The following GPR89B variants were observed in gnomAD, a reference collection of about 807,000 sequenced individuals.
The protein encoded by GPR89B is golgi pH regulator B, also known as G protein-coupled receptor 89B.
In GPR89B, 25 loss-of-function variants were observed where a neutral mutation model predicts 52.4. The ratio of observed to expected loss-of-function variants is 0.48; its 90% confidence interval spans 0.35 to 0.67. The LOEUF is 0.67. Among genes scored for constraint, GPR89B ranks in the 30% least tolerant of loss-of-function variants. GPR89B has a pLI of 0.01. For synonymous variants in GPR89B, 52 were observed against 151.2 expected, an observed-to-expected ratio of 0.34 and a Z score of 4.81; for missense variants, 146 against 450.2, an observed-to-expected ratio of 0.32 and a Z score of 6.11.
At chr1:147,984,988 C>T (rs1274749460) in intron 10 of GPR89B, among the ~76,000 whole-genome samples, 1 of 152,094 alleles carries the variant, frequency 6.6e-6, no homozygotes, top group Admixed American at 6.5e-5. Flanking sequence ...AGGAGTGTTC[C>T]ATAAATGTCA....
In GPR89B at chr1:147,962,900, A is replaced by G. The variant is rs1207917813; in HGVS notation, c.618-3654A>G. On this transcript the variant is annotated intron_variant, in intron 7 of 13. Coordinates refer to ENST00000314163, the MANE Select transcript of GPR89B (RefSeq NM_016334.5). ...AACAGAGCGAGACTCCGTCTCAAAA[A>G]AAAAAAAATTAAAACAGATAATAGA... is the stretch of plus-strand genomic sequence containing the variant. Among the ~76,000 whole-genome samples, 1,157 of 151,940 alleles carry G rather than the reference A, an allele frequency of 7.6e-3. 16 individuals carry two copies. Among genetic ancestry groups the G allele is most frequent in the African/African-American group, 0.026 (1,083 of 41,282 alleles).
chr1:147,930,138 A>G (rs184806380), intron 1 of GPR89B, among the ~76,000 whole-genome samples: 4 of 152,364 alleles, frequency 2.6e-5, no homozygotes, highest in African/African-American at 9.6e-5. Context: ...TGTATGCCTT[A>G]TAATCATAGA....
At chr1:148,019,813 T>TG in the GPR89B span, among the ~76,000 whole-genome samples, 16 of 152,076 alleles carry the variant, frequency 1.1e-4, no homozygotes, top group East Asian at 3.1e-3. Flanking sequence ...CCTCCTTGGG[T>TG]GGCCGACCAG....
intron 5 of GPR89B, among the ~76,000 whole-genome samples, chr1:147,950,160 G>T (rs1571254640): frequency 6.6e-6 from 1 of 150,614 alleles, no homozygotes; most frequent in Non-Finnish European, 1.5e-5. Flanking sequence ...GGGCGGAGGG[G>T]CTCCTCACTT....
Position 147,968,971 on chromosome 1 carries a change from G to A in GPR89B, c.816+8G>A. On this transcript the variant is annotated splice_region_variant and intron_variant, in intron 9 of 13. Transcript: ENST00000314163. Reference sequence around the variant, plus strand: ...GATCTATATGCTACCAAGGTACAGAGCAAGGAAACTGAAGTGTGGTTTTTA... The same window carrying A: ...GATCTATATGCTACCAAGGTACAGAACAAGGAAACTGAAGTGTGGTTTTTA... The A allele has an allele frequency of 6.3e-7, 1 of 1,589,484 alleles. No homozygotes were observed. Among genetic ancestry groups the A allele is most frequent in the Non-Finnish European group, 8.6e-7 (1 of 1,163,924 alleles).
At chr1:148,011,274 T>C in the GPR89B span, 3 of 152,220 alleles carry the variant, frequency 2.0e-5, no homozygotes, top group African/African-American at 7.2e-5. Flanking sequence ...ACCTCTGGAA[T>C]ATTCTCTGTG....
In GPR89B at chr1:147,949,611, C is replaced by T. The variant is rs587650425; in HGVS notation, c.416-3734C>T. On this transcript the variant is annotated intron_variant, in intron 5 of 13. Coordinates refer to ENST00000314163, the MANE Select transcript of GPR89B (RefSeq NM_016334.5). The stretch of plus-strand genomic sequence containing the variant: ...CCTCCCTCCAGGACCGGGCAGCTGA[C>T]GGGGCGGGGGGCTGACCCCCCCACC... Among the ~76,000 whole-genome samples, 493 of 138,572 alleles carry T rather than the reference C, an allele frequency of 3.6e-3. 29 individuals are homozygous for T. The highest frequency in any genetic ancestry group is 0.014 in the African/African-American group (464 of 34,036). 90.9% of individuals were successfully genotyped at this position (138,572 alleles called of 152,430 possible).
chr1:147,971,788 A>AT (rs1477634721), intron 10 of GPR89B, among the ~76,000 whole-genome samples: 2 of 151,838 alleles, frequency 1.3e-5, no homozygotes, highest in African/African-American at 4.9e-5. Flanking sequence ...CCAGCATGTC[A>AT]TTTTTTAACA....
chr1:147,949,125 T>G (rs1655276026), intron 5 of GPR89B, among the ~76,000 whole-genome samples: 1 of 152,094 alleles, frequency 6.6e-6, no homozygotes, highest in Admixed American at 6.5e-5. Context: ...TTTTTCTTAG[T>G]ACAGAACAAA....
At chr1:147,970,549 C>CTCTATCTATCTATCTA (rs1657382260) in intron 10 of GPR89B, among the ~76,000 whole-genome samples, 1 of 124,646 alleles carries the variant, frequency 8.0e-6, no homozygotes, top group African/African-American at 3.0e-5. Flanking sequence ...CTATCTCTCT[C>CTCTATCTATCTATCTA]TCTCTATCTC....
chr1:147,949,306 A>G (rs1553250374), intron 5 of GPR89B, among the ~76,000 whole-genome samples: 2 of 148,966 alleles, frequency 1.3e-5, no homozygotes, highest in African/African-American at 5.1e-5. Flanking sequence ...GTGGCTGGGC[A>G]GAGGGGCTCC....
the GPR89B span, among the ~76,000 whole-genome samples, chr1:148,020,898 G>C: frequency 6.6e-6 from 1 of 151,566 alleles, no homozygotes; most frequent in Non-Finnish European, 1.5e-5. Context: ...ATGTTGGCTA[G>C]GCTGATCTTG....
At chr1:147,993,836 C>T (rs1659243883), downstream of GPR89B, 2 of 152,208 alleles carry the variant, frequency 1.3e-5, no homozygotes, top group Admixed American at 6.5e-5. Context: ...AACAAAAGCA[C>T]TATCAAGCAT....
chr1:147,982,932 A>G (rs1203559327), intron 10 of GPR89B, among the ~76,000 whole-genome samples: 1 of 151,936 alleles, frequency 6.6e-6, no homozygotes, highest in Non-Finnish European at 1.5e-5. Context: ...TTCACTCATG[A>G]TTTGTCTCTC....
chr1:148,019,981 T>G, the GPR89B span, among the ~76,000 whole-genome samples: 2 of 151,964 alleles, frequency 1.3e-5, no homozygotes, highest in African/African-American at 4.8e-5. Context: ...ATTATCACCC[T>G]GGTCTCCTGG....
Position 147,992,872 on chromosome 1 carries a change from C to CT in GPR89B, c.1324dup (p.Tyr442LeufsTer43). The CT allele has an allele frequency of 1.5e-6, 2 of 1,348,018 alleles. No homozygotes were observed. The highest frequency in any genetic ancestry group is 2.1e-6 in the Non-Finnish European group (2 of 965,432). 83.5% of individuals were successfully genotyped at this position (1,348,018 alleles called of 1,614,324 possible). A position where few individuals can be genotyped will look rare whatever the true frequency, so the allele number is the denominator to read the frequency against. ...GCGCTCTCTCTAGCATACTCTTCCTCTATTTGGCTCACAAACAGGCACCAG... is the reference window on the plus strand; with the variant it reads ...GCGCTCTCTCTAGCATACTCTTCCTCTTATTTGGCTCACAAACAGGCACCAG... On this transcript the variant is annotated frameshift_variant, in exon 14 of 14. Transcript: ENST00000314163. LOFTEE classifies it high-confidence loss of function.
the GPR89B span, among the ~76,000 whole-genome samples, chr1:148,019,817 C>T: frequency 1.3e-5 from 2 of 151,898 alleles, no homozygotes; most frequent in Non-Finnish European, 2.9e-5. Context: ...CTTGGGTGGC[C>T]GACCAGGGCC....
downstream of GPR89B, among the ~76,000 whole-genome samples, chr1:147,996,953 TAC>T (rs1302122419): frequency 1.3e-5 from 2 of 150,924 alleles, no homozygotes; most frequent in East Asian, 3.9e-4. Context: ...AATATGTGTA[TAC>T]ATGTACACAA....
the GPR89B span, among the ~76,000 whole-genome samples, chr1:148,001,102 T>C: frequency 1.9e-5 from 1 of 51,678 alleles, no homozygotes; most frequent in African/African-American, 7.8e-5. Flanking sequence ...TCACAAATTC[T>C]TTCAAAATCT....
Sources: gnomAD v4.1 joint callset for allele counts (sites outside exome capture counted in the v4.1 genomes callset) on GRCh38, gnomAD v4.1.1 for gene constraint, MANE v1.5 for transcripts, NCBI Gene and HGNC (gene_info 2026-07-23, HGNC 2026-07-21) for gene names.